The following SH2D4B variants were observed in gnomAD, a reference collection of about 807,000 sequenced individuals.
SH2D4B encodes the protein SH2 domain containing 4B, also known as SH2 domain-containing protein 4B.
In SH2D4B, 45 loss-of-function variants were observed where a neutral mutation model predicts 61.5. That is an observed-to-expected ratio of 0.73 (90% CI 0.58 to 0.94). The LOEUF (loss-of-function observed/expected upper bound fraction) is 0.94, where lower values mean the gene tolerates loss of function less well. Among genes scored for constraint, SH2D4B ranks in the 40% least tolerant of loss-of-function variants. SH2D4B has a pLI of 0.00. For missense variants in SH2D4B, 572 were observed against 574.2 expected (o/e 1.00, Z 0.04); for synonymous variants, 224 against 220.4 (o/e 1.02, Z -0.14).
At chr10:80,634,626 A>G (rs1842875966) in intron 7 of SH2D4B, 121 bp downstream of exon 7, 1 of 1,400,076 alleles carries the variant, frequency 7.1e-7, no homozygotes, top group East Asian at 2.5e-5. Context: ...GGAGGGTCTC[A>G]GAGATGTAGA....
At chr10:80,623,829 A>G (rs1842743885) in intron 6 of SH2D4B, among the ~76,000 whole-genome samples, 1 of 152,208 alleles carries the variant, frequency 6.6e-6, no homozygotes, top group Admixed American at 6.5e-5. Context: ...ACTGCTGTAC[A>G]GTACTCCACT....
chr10:80,625,117 A>G (rs115829036), intron 6 of SH2D4B, among the ~76,000 whole-genome samples: 1,827 of 152,316 alleles, frequency 0.012, 18 homozygotes, highest in African/African-American at 0.028. Flanking sequence ...AACCTAATAT[A>G]AATGTCACAG....
chr10:80,605,102 G>T (rs969363738), intron 5 of SH2D4B, among the ~76,000 whole-genome samples: 3 of 151,748 alleles, frequency 2.0e-5, no homozygotes, highest in African/African-American at 4.8e-5. Context: ...TCTGTTCTTC[G>T]TTTTTTATGT....
intron 3 of SH2D4B, among the ~76,000 whole-genome samples, chr10:80,572,955 TATATATATATATATATATATATATATATA>T (rs1842068518): frequency 1.9e-4 from 1 of 5,248 alleles, no homozygotes; most frequent in Non-Finnish European, 3.5e-4. Context: ...AATATATATA[TATATATATATATATATATATATATATATA>T]TATTTTTTTT....
chr10:80,560,576 CA>C (rs1421373042), intron 1 of SH2D4B, among the ~76,000 whole-genome samples: 1 of 151,370 alleles, frequency 6.6e-6, no homozygotes, highest in African/African-American at 2.4e-5. Context: ...TTTGTAGAGA[CA>C]GGGGGTCTTG....
chr10:80,571,400 C>T (rs1045792933), intron 2 of SH2D4B, 31 bp from the exon 3 acceptor site: 6 of 1,583,368 alleles, frequency 3.8e-6, no homozygotes, highest in African/African-American at 2.7e-5. Context: ...GTTTTTCACA[C>T]AAGCTTATAC....
Position 80,632,745 on chromosome 10 carries a change from T to C in SH2D4B, c.989-1540T>C, listed in dbSNP as rs1589364616. Among the ~76,000 whole-genome samples the C allele has an allele frequency of 2.0e-5, 3 of 152,252 alleles. No individual in the cohort carries two copies. In the East Asian group the frequency reaches 5.8e-4, roughly 30 times the overall value. On this transcript the variant is annotated intron_variant, in intron 6 of 7. Coordinates refer to ENST00000646907, the MANE Select transcript of SH2D4B (RefSeq NM_001388272.1). The stretch of plus-strand genomic sequence containing the variant: ...TGGACTTTCCCTTCCGGTCCTCTTT[T>C]GTCTGTCCCTACTTTTTTGCATGAA...
At chr10:80,603,495 C>T (rs1202848281) in intron 4 of SH2D4B, 84 bp from the exon 5 acceptor site, 1 of 1,309,342 alleles carries the variant, frequency 7.6e-7, no homozygotes, top group Non-Finnish European at 1.0e-6. Context: ...ACTTTTGCAC[C>T]AACCAAATAC....
At chr10:80,570,716 A>G (rs1263398133) in intron 2 of SH2D4B, among the ~76,000 whole-genome samples, 4 of 152,206 alleles carry the variant, frequency 2.6e-5, no homozygotes, top group African/African-American at 9.6e-5. Flanking sequence ...AGATTACTAT[A>G]TGGTACAGGT....
chr10:80,568,078 GT>G (rs1841993502), intron 1 of SH2D4B, among the ~76,000 whole-genome samples: 1 of 151,640 alleles, frequency 6.6e-6, no homozygotes, highest in African/African-American at 2.4e-5. Context: ...AAAAATAAGT[GT>G]GAGAGATCAC....
At chr10:80,631,280 GCT>G (rs1198256684) in intron 6 of SH2D4B, among the ~76,000 whole-genome samples, 23 of 152,314 alleles carry the variant, frequency 1.5e-4, no homozygotes, top group Admixed American at 1.4e-3. Context: ...ATAGAGCCTT[GCT>G]CTGTTTTCCA....
chr10:80,615,879 T>C (rs987655665), intron 6 of SH2D4B, among the ~76,000 whole-genome samples: 2 of 152,178 alleles, frequency 1.3e-5, no homozygotes, highest in African/African-American at 4.8e-5. Context: ...AGTAGTGTTG[T>C]GAGGATTAAA....
intron 3 of SH2D4B, among the ~76,000 whole-genome samples, chr10:80,584,051 T>C (rs1304949060): frequency 2.0e-5 from 3 of 152,244 alleles, no homozygotes; most frequent in African/African-American, 7.2e-5. Flanking sequence ...TCTTTAACAT[T>C]CTGCAGGAAA....
At chr10:80,563,635 T>C (rs1177074406) in intron 1 of SH2D4B, among the ~76,000 whole-genome samples, 2 of 150,566 alleles carry the variant, frequency 1.3e-5, no homozygotes, top group Non-Finnish European at 2.9e-5. Flanking sequence ...TTTACCATTA[T>C]TTGAAATAAA....
chr10:80,612,764 T>C (rs530285191), intron 6 of SH2D4B, among the ~76,000 whole-genome samples: 7 of 152,334 alleles, frequency 4.6e-5, no homozygotes, highest in African/African-American at 1.4e-4. Flanking sequence ...TTCAGTTAGA[T>C]TTCATATGCA....
intron 6 of SH2D4B, among the ~76,000 whole-genome samples, chr10:80,628,011 G>A (rs1318473701): frequency 6.6e-6 from 1 of 152,206 alleles, no homozygotes; most frequent in Non-Finnish European, 1.5e-5. Context: ...AAGTTTCAAG[G>A]ACTCGGACAG....
chr10:80,546,754 C>T (rs542748791), intron 1 of SH2D4B, among the ~76,000 whole-genome samples: 9 of 151,130 alleles, frequency 6.0e-5, no homozygotes, highest in Non-Finnish European at 1.0e-4. Flanking sequence ...GTCTCAATCT[C>T]CTGACCTCAT....
At chr10:80,590,659 C>A (rs556742078) in intron 4 of SH2D4B, among the ~76,000 whole-genome samples, 1 of 152,106 alleles carries the variant, frequency 6.6e-6, no homozygotes, top group East Asian at 1.9e-4. Context: ...TACTGGCCAG[C>A]CTTCTGGTCC....
At chr10:80,609,365 T>G in intron 5 of SH2D4B, 59 bp from the exon 6 acceptor site, 5 of 1,434,878 alleles carry the variant, frequency 3.5e-6, no homozygotes, top group Non-Finnish European at 4.7e-6. Context: ...TGCCTTCCTC[T>G]CCCTCCGCTC....
Sources: allele counts gnomAD v4.1 joint callset (sites outside exome capture counted in the v4.1 genomes callset), GRCh38; gene constraint gnomAD v4.1.1; transcripts MANE v1.5; gene names NCBI Gene and HGNC (gene_info 2026-07-23, HGNC 2026-07-21).